CRPPA: variants seen among roughly 807,000 people sequenced by gnomAD.
CRPPA encodes the protein CDP-L-ribitol pyrophosphorylase A.
A neutral mutation model predicts 52.0 loss-of-function variants in CRPPA; 43 were observed. The ratio of observed to expected loss-of-function variants is 0.83; its 90% CI spans 0.65 to 1.07. The LOEUF is 1.07. Among genes scored for constraint, CRPPA ranks in the 50% least tolerant of loss-of-function variants. The pLI is 0.00. For missense variants in CRPPA, 629 were observed against 551.7 expected, an observed-to-expected ratio of 1.14 and a Z score of -1.40; for synonymous variants, 250 against 203.5, an observed-to-expected ratio of 1.23 and a Z score of -1.94.
At chr7:16,107,609 T>A (rs558345021) in intron 9 of CRPPA, among the ~76,000 whole-genome samples, 1 of 152,198 alleles carries the variant, frequency 6.6e-6, no homozygotes, top group African/African-American at 2.4e-5. Context: ...TCATAGGAAC[T>A]GGTAAAGCAA....
intron 4 of CRPPA, among the ~76,000 whole-genome samples, chr7:16,303,489 A>C (rs929532015): frequency 1.4e-5 from 2 of 143,394 alleles, no homozygotes; most frequent in Non-Finnish European, 1.5e-5. Context: ...AAAAAAAAAA[A>C]AAAAAAAAAA....
At chr7:16,115,843 T>TA (rs2128368306) in intron 9 of CRPPA, among the ~76,000 whole-genome samples, 1 of 152,174 alleles carries the variant, frequency 6.6e-6, no homozygotes, top group East Asian at 1.9e-4. Flanking sequence ...ATAAGACTAA[T>TA]ACTAATGAGT....
chr7:16,167,862 T>C (rs1781099838), intron 9 of CRPPA, among the ~76,000 whole-genome samples: 1 of 152,202 alleles, frequency 6.6e-6, no homozygotes, highest in African/African-American at 2.4e-5. Context: ...CCCACCCTAT[T>C]TATCTAATGA....
intron 9 of CRPPA, among the ~76,000 whole-genome samples, chr7:16,130,392 G>C (rs886082699): frequency 6.6e-6 from 1 of 151,966 alleles, no homozygotes; most frequent in Non-Finnish European, 1.5e-5. Context: ...TAAAAACTGA[G>C]TTTCTATAGT....
At chr7:16,123,736 G>C (rs1390495800) in intron 9 of CRPPA, among the ~76,000 whole-genome samples, 1 of 152,076 alleles carries the variant, frequency 6.6e-6, no homozygotes, top group East Asian at 1.9e-4. Flanking sequence ...CTAAATTCGT[G>C]ATTGTTTAAC....
At chr7:16,111,818 T>G (rs1348814505) in intron 9 of CRPPA, among the ~76,000 whole-genome samples, 1 of 152,160 alleles carries the variant, frequency 6.6e-6, no homozygotes, top group African/African-American at 2.4e-5. Flanking sequence ...GAGAAATATG[T>G]TTTCCTTTTT....
At chr7:16,147,083 C>G (rs1453900653) in intron 9 of CRPPA, among the ~76,000 whole-genome samples, 2 of 152,150 alleles carry the variant, frequency 1.3e-5, no homozygotes, top group Admixed American at 6.6e-5. Flanking sequence ...ATGGGAGTTC[C>G]TCTGCACAAG....
At chr7:16,352,680 A>G (rs1286859030) in intron 3 of CRPPA, among the ~76,000 whole-genome samples, 6 of 152,144 alleles carry the variant, frequency 3.9e-5, no homozygotes, top group Non-Finnish European at 8.8e-5. Flanking sequence ...GCCACTTTGG[A>G]AAACAGTATG....
chr7:16,301,789 G>A (rs1784792946), intron 4 of CRPPA, among the ~76,000 whole-genome samples: 1 of 152,028 alleles, frequency 6.6e-6, no homozygotes, highest in Non-Finnish European at 1.5e-5. Context: ...TAAAAACGAG[G>A]TTTTATACTA....
intron 1 of CRPPA, 39 bp downstream of exon 1, chr7:16,421,027 G>A: frequency 1.6e-6 from 2 of 1,264,218 alleles, no homozygotes; most frequent in Non-Finnish European, 2.0e-6. Flanking sequence ...GGGAGGCCGG[G>A]CCCCAGGGAA....
intron 8 of CRPPA, among the ~76,000 whole-genome samples, chr7:16,255,402 A>G (rs1348333788): frequency 6.6e-6 from 1 of 152,220 alleles, no homozygotes; most frequent in East Asian, 1.9e-4. Flanking sequence ...ATCCCCATCA[A>G]GTTACCAATG....
At chr7:16,208,761 T>C (rs1782035932) in intron 9 of CRPPA, among the ~76,000 whole-genome samples, 1 of 152,180 alleles carries the variant, frequency 6.6e-6, no homozygotes, top group Admixed American at 6.5e-5. Context: ...TTGAAGGATA[T>C]CATCTCCAGG....
chr7:16,291,505 T>C (rs1314719510), intron 5 of CRPPA, among the ~76,000 whole-genome samples: 3 of 151,878 alleles, frequency 2.0e-5, no homozygotes, highest in African/African-American at 7.2e-5. Flanking sequence ...ATATTGCATG[T>C]TGTCACTCAC....
intron 8 of CRPPA, among the ~76,000 whole-genome samples, chr7:16,218,939 G>A (rs1562565374): frequency 6.6e-6 from 1 of 152,050 alleles, no homozygotes; most frequent in Non-Finnish European, 1.5e-5. Context: ...GCACCAAGCA[G>A]ACCTAATAGA....
intron 6 of CRPPA, among the ~76,000 whole-genome samples, chr7:16,272,697 T>C (rs958191715): frequency 6.6e-6 from 1 of 152,232 alleles, no homozygotes; most frequent in African/African-American, 2.4e-5. Flanking sequence ...TAAGGGGATG[T>C]CTTTCAGACA....
chr7:16,104,147 T>C (rs1185652166), intron 9 of CRPPA, among the ~76,000 whole-genome samples: 1 of 152,206 alleles, frequency 6.6e-6, no homozygotes, highest in Admixed American at 6.5e-5. Context: ...TTTACCATTA[T>C]GTTAGAAATT....
At chr7:16,164,378 T>C (rs917450483) in intron 9 of CRPPA, among the ~76,000 whole-genome samples, 1 of 152,216 alleles carries the variant, frequency 6.6e-6, no homozygotes, top group African/African-American at 2.4e-5. Context: ...TATGTTCTTC[T>C]GTAAACTGGT....
At chr7:16,394,667 T>A (rs920554858) in intron 2 of CRPPA, among the ~76,000 whole-genome samples, 2 of 152,116 alleles carry the variant, frequency 1.3e-5, no homozygotes, top group Admixed American at 1.3e-4. Flanking sequence ...GCAGAAACCA[T>A]CCATATTTCA....
Position 16,089,220 on chromosome 7 carries a change from A to G in CRPPA, c.*2475T>C, listed in dbSNP as rs1042237219. The G allele has an allele frequency of 5.4e-6, 2 of 371,150 alleles. No individual in the cohort carries two copies. The highest frequency in any genetic ancestry group is 2.1e-5 in the African/African-American group (1 of 47,810). The allele number at this position is 371,150 out of a possible 1,614,324, so 23.0% of individuals were successfully genotyped here. On this transcript the variant is annotated 3_prime_UTR_variant, in exon 10 of 10. Coordinates refer to ENST00000407010, the MANE Select transcript of CRPPA (RefSeq NM_001101426.4). ...TGTATATACGTACGTATATACATAT[A>G]TGTGTGTATGCGTACGTATATACAT... is the stretch of plus-strand genomic sequence containing the variant.
Sources: gnomAD v4.1 joint callset for allele counts (sites outside exome capture counted in the v4.1 genomes callset) on GRCh38, gnomAD v4.1.1 for gene constraint, MANE v1.5 for transcripts, NCBI Gene and HGNC (gene_info 2026-07-23, HGNC 2026-07-21) for gene names.